ZNF787: variants seen among roughly 807,000 people sequenced by gnomAD.
The protein encoded by ZNF787 is zinc finger protein 787.
ZNF787 carries 7 observed loss-of-function variants against 16.9 expected under a neutral mutation model. The observed-to-expected ratio is 0.42, with a 90% CI of 0.24 to 0.78. The LOEUF (loss-of-function observed/expected upper bound fraction) is 0.78, where lower values mean the gene tolerates loss of function less well. Among genes scored for constraint, ZNF787 ranks in the 30% least tolerant of loss-of-function variants. The pLI is 0.30. For synonymous variants in ZNF787, 345 were observed against 270.9 expected (o/e 1.27, Z -2.69); for missense variants, 551 against 589.3 (o/e 0.94, Z 0.67).
chr19:56,088,088 C>T lies in ZNF787; in HGVS notation c.1084G>A (p.Glu362Lys). 1 of 1,509,028 alleles carries T rather than the reference C, an allele frequency of 6.6e-7. No homozygotes were observed. The highest frequency in any genetic ancestry group is 8.8e-7 in the Non-Finnish European group (1 of 1,136,578). 93.5% of individuals were successfully genotyped at this position (1,509,028 alleles called of 1,614,324 possible). A position where few individuals can be genotyped will look rare whatever the true frequency, so the allele number is the denominator to read the frequency against. ...CCCGCGGCCTCGTCGTCGTCGTCCT[C>T]CTCCTCCCCGCCCGCGCGGTAGTAG... Reference protein sequence around the residue: ...QSYYRAGGEEEDDDDEAAGGR... With the variant: ...QSYYRAGGEEKDDDDEAAGGR... Residue 362 changes from glutamate (E) to lysine (K), a missense_variant, in exon 3 of 3, where the codon GAG becomes AAG. Physicochemically the swap from Glu to Lys is moderately conservative, Grantham distance 56. This residue lies in a region of ZNF787 where 392 missense variants were observed against 312.7 expected (regional missense o/e 1.25). Transcript: ENST00000610935. The surrounding 1 kb of genome is among the most constrained non-coding windows in gnomAD (Gnocchi z 8.6).
At chr19:56,099,509 A>G (rs112893928) in intron 2 of ZNF787, among the ~76,000 whole-genome samples, 2,365 of 152,204 alleles carry the variant, frequency 0.016, 61 homozygotes, top group African/African-American at 0.053. Flanking sequence ...TCAGGAGTTC[A>G]AGACCATCCT....
At chr19:56,101,253 G>A (rs1168328116) in intron 2 of ZNF787, among the ~76,000 whole-genome samples, 2 of 152,182 alleles carry the variant, frequency 1.3e-5, no homozygotes. Flanking sequence ...CCACACGGGA[G>A]TTACGCGAAC....
In ZNF787 at chr19:56,119,580, CTCG is replaced by C. The variant is rs558814667; in HGVS notation, c.-11+1589_-11+1591del. 2.3e-3 allele frequency among the ~76,000 whole-genome samples: 347 copies of C among 152,334 alleles called. 1 individual carries two copies. Among genetic ancestry groups the C allele is most frequent in the Middle Eastern group, 6.8e-3 (2 of 294 alleles). ...GGTGGAAAGTAAGGCACTGAAGTTA[CTCG>C]TCTAAGGCCACGAAGGTGAGTGGTG... On this transcript the variant is annotated intron_variant, in intron 1 of 2. Transcript: ENST00000610935.
chr19:56,113,770 T>C (rs1161790727), intron 1 of ZNF787, among the ~76,000 whole-genome samples: 1 of 152,148 alleles, frequency 6.6e-6, no homozygotes, highest in Non-Finnish European at 1.5e-5. Flanking sequence ...GGTTCTAAAA[T>C]CGACTGTGGT....
chr19:56,116,454 TA>T (rs904049129), intron 1 of ZNF787, among the ~76,000 whole-genome samples: 2 of 150,922 alleles, frequency 1.3e-5, no homozygotes, highest in African/African-American at 4.9e-5. Flanking sequence ...AATAAATAAA[TA>T]AATAAATAAA....
At chr19:56,100,458 G>A (rs1348969427) in intron 2 of ZNF787, among the ~76,000 whole-genome samples, 1 of 152,054 alleles carries the variant, frequency 6.6e-6, no homozygotes, top group Non-Finnish European at 1.5e-5. Flanking sequence ...TAATTCCGCA[G>A]AAGAGGCTGG....
In ZNF787 at chr19:56,088,065, C is replaced by G. The variant is rs1463198283; in HGVS notation, c.1107G>C (p.Ala369=). The change falls in exon 3 of 3, where the codon GCG becomes GCC. Residue 369 remains alanine, a synonymous_variant. Coordinates refer to ENST00000610935, the MANE Select transcript of ZNF787 (RefSeq NM_001002836.4). This position sits in a 1 kb window ranked among gnomAD's most constrained non-coding sequence, Gnocchi z 8.6. ...GEEEDDDDEA[A]GGRCPECRGG... ...CGCGGCACTCGGGGCACCGCCCGCCCGCGGCCTCGTCGTCGTCGTCCTCCT... is the reference window on the plus strand; with the variant it reads ...CGCGGCACTCGGGGCACCGCCCGCCGGCGGCCTCGTCGTCGTCGTCCTCCT... 6.9e-7 allele frequency: 1 copy of G among 1,451,466 alleles called. No individual in the cohort carries two copies. The highest frequency in any genetic ancestry group is 9.0e-7 in the Non-Finnish European group (1 of 1,109,608). 89.9% of individuals were successfully genotyped at this position (1,451,466 alleles called of 1,614,324 possible).
intron 1 of ZNF787, among the ~76,000 whole-genome samples, chr19:56,110,519 T>TA (rs33942141): frequency 0.024 from 3,517 of 147,708 alleles, 129 homozygotes; most frequent in African/African-American, 0.079. Flanking sequence ...TAGGAAAGGT[T>TA]AAAAAAAAAA....
At position 56,087,857 on chromosome 19, in the gene ZNF787, C is replaced by A. The variant is rs1018747696; in HGVS notation, c.*166G>T. ...GAAGTGAACGGGCCCTAATACGCCC[C>A]AGTGCCCCCCCACGGACGGCGCAGG... is the stretch of plus-strand genomic sequence containing the variant. On this transcript the variant is annotated 3_prime_UTR_variant, in exon 3 of 3. Transcript: ENST00000610935. 7.4e-5 allele frequency: 84 copies of A among 1,135,984 alleles called. No individual in the cohort carries two copies. The highest frequency in any genetic ancestry group is 9.4e-5 in the Non-Finnish European group (84 of 894,706). The allele number at this position is 1,135,984 out of a possible 1,614,324, so 70.4% of individuals were successfully genotyped here.
chr19:56,117,880 T>G (rs1408842588), intron 1 of ZNF787, among the ~76,000 whole-genome samples: 1 of 152,202 alleles, frequency 6.6e-6, no homozygotes, highest in Non-Finnish European at 1.5e-5. Flanking sequence ...GATGCATCTC[T>G]GGGTCCCAAC....
In ZNF787 at chr19:56,087,914, C is replaced by CG. The variant is rs1985361903; in HGVS notation, c.*108dup. ...GGAGGGCGGGGAGCCGGGGATGCCG[C>CG]GGGGTCCATCGCACCCCGTCCGCTT... On this transcript the variant is annotated 3_prime_UTR_variant, in exon 3 of 3. Coordinates refer to ENST00000610935, the MANE Select transcript of ZNF787 (RefSeq NM_001002836.4). 3.9e-6 allele frequency: 5 copies of CG among 1,278,208 alleles called. No homozygotes were observed. In the South Asian group the frequency reaches 6.6e-5, roughly 17 times the overall value. The allele number at this position is 1,278,208 out of a possible 1,614,324, so 79.2% of individuals were successfully genotyped here. A position where few individuals can be genotyped will look rare whatever the true frequency, so the allele number is the denominator to read the frequency against.
At chr19:56,089,186 C>G (rs1482648926) in intron 2 of ZNF787, 94 bp from the exon 3 acceptor site, 8 of 926,794 alleles carry the variant, frequency 8.6e-6, no homozygotes, top group Admixed American at 7.0e-5. Context: ...GCCTCGCTCC[C>G]CCTGGCGCAG....
At chr19:56,106,429 C>G (rs1395496565) in intron 1 of ZNF787, among the ~76,000 whole-genome samples, 1 of 152,260 alleles carries the variant, frequency 6.6e-6, no homozygotes, top group African/African-American at 2.4e-5. Flanking sequence ...TGGACGTTCG[C>G]GTTCATCTCT....
At chr19:56,094,465 C>T (rs1489534898) in intron 2 of ZNF787, among the ~76,000 whole-genome samples, 47 of 146,398 alleles carry the variant, frequency 3.2e-4, no homozygotes, top group Admixed American at 2.1e-3. Flanking sequence ...TGAGCCACCA[C>T]GCCCCGCCTT....
At chr19:56,091,694 G>A (rs1053795615) in intron 2 of ZNF787, among the ~76,000 whole-genome samples, 1 of 152,212 alleles carries the variant, frequency 6.6e-6, no homozygotes, top group Non-Finnish European at 1.5e-5. Flanking sequence ...TTCTAAGTAC[G>A]AGTTAAGCAC....
At position 56,087,807 on chromosome 19, in the gene ZNF787, T is replaced by A. The variant is rs979722857; in HGVS notation, c.*216A>T. ...ATAACTTAGGAAGGGCGGGCCAGGC[T>A]GAGGGGGCAGAGTCTCGAGGCGGAG... On this transcript the variant is annotated 3_prime_UTR_variant, in exon 3 of 3. Coordinates refer to ENST00000610935, the MANE Select transcript of ZNF787 (RefSeq NM_001002836.4). 1 of 727,662 alleles carries A rather than the reference T, an allele frequency of 1.4e-6. No individual in the cohort carries two copies. The highest frequency in any genetic ancestry group is 4.6e-5 in the Admixed American group (1 of 21,604). The allele number at this position is 727,662 out of a possible 1,614,324, so 45.1% of individuals were successfully genotyped here. A position where few individuals can be genotyped will look rare whatever the true frequency, so the allele number is the denominator to read the frequency against.
Position 56,089,009 on chromosome 19 carries a change from C to T in ZNF787, c.163G>A (p.Gly55Ser). 2.7e-6 allele frequency: 4 copies of T among 1,474,316 alleles called. No individual in the cohort carries two copies. The highest frequency in any genetic ancestry group is 2.8e-5 in the South Asian group (2 of 70,518). 91.3% of individuals were successfully genotyped at this position (1,474,316 alleles called of 1,614,324 possible). The change falls in exon 3 of 3, where the codon GGC becomes AGC. Residue 55 changes from glycine (G) to serine (S), a missense_variant. Transcript: ENST00000610935. ...LSPPQSAPPA[G>S]PPPRPRPPAP... ...GGCGGCCGCGGCCGGGGAGGCGGGC[C>T]GGCTGGGGGCGCAGACTGGGGCGGG...
At position 56,088,238 on chromosome 19, in the gene ZNF787, C is replaced by CCCCCGCCG; in HGVS notation, c.926_933dup (p.Gly312ArgfsTer205). 6.8e-7 allele frequency: 1 copy of CCCCCGCCG among 1,481,010 alleles called. No homozygotes were observed. The highest frequency in any genetic ancestry group is 8.9e-7 in the Non-Finnish European group (1 of 1,120,508). The allele number at this position is 1,481,010 out of a possible 1,614,324, so 91.7% of individuals were successfully genotyped here. A position where few individuals can be genotyped will look rare whatever the true frequency, so the allele number is the denominator to read the frequency against. On this transcript the variant is annotated frameshift_variant, in exon 3 of 3. Transcript: ENST00000610935. LOFTEE classifies it high-confidence loss of function. The surrounding 1 kb of genome is among the most constrained non-coding windows in gnomAD (Gnocchi z 8.6). ...ACGCAGATGTGGGCCGGCTCCTCGCCCCCCGCCGCCCCGAGCCCGTCCCCG... is the reference window on the plus strand; with the variant it reads ...ACGCAGATGTGGGCCGGCTCCTCGCCCCCCGCCGCCCCGCCGCCCCGAGCCCGTCCCCG...
rs995556436 is a variant in ZNF787, at chr19:56,102,853, C to A, written c.79+286G>T. Reference sequence around the variant, plus strand: ...GGGGCACCCTCAACAGACGGGGGTGCTGCCCAGGCTGGAGGGGCAAGGACA... The same window carrying A: ...GGGGCACCCTCAACAGACGGGGGTGATGCCCAGGCTGGAGGGGCAAGGACA... On this transcript the variant is annotated intron_variant, in intron 2 of 2. Transcript: ENST00000610935. 9 of 700,436 alleles carry A rather than the reference C, an allele frequency of 1.3e-5. No individual in the cohort carries two copies. The African/African-American group carries it at 1.6e-4, about 12-fold the overall frequency. 43.4% of individuals were successfully genotyped at this position (700,436 alleles called of 1,614,324 possible). A position where few individuals can be genotyped will look rare whatever the true frequency, so the allele number is the denominator to read the frequency against.
Sources: gnomAD v4.1 joint callset for allele counts (sites outside exome capture counted in the v4.1 genomes callset) on GRCh38, gnomAD v4.1.1 for gene constraint, gnomAD v4.1.1 regional missense constraint, Gnocchi (gnomAD v3.1) non-coding constraint, MANE v1.5 for transcripts, NCBI Gene and HGNC (gene_info 2026-07-23, HGNC 2026-07-21) for gene names.